VMP1: variants seen among roughly 807,000 people sequenced by gnomAD.
The protein encoded by VMP1 is ectopic P-granules autophagy protein 3 homolog.
A neutral mutation model predicts 56.0 loss-of-function variants in VMP1; 11 were observed. The observed-to-expected ratio is 0.20, with a 90% CI of 0.12 to 0.32. The LOEUF (loss-of-function observed/expected upper bound fraction) is 0.32, where lower values mean the gene tolerates loss of function less well. Ranked by LOEUF, VMP1 falls within the 10% of genes least tolerant of loss-of-function variation. The pLI is 1.00. For synonymous variants in VMP1, 149 were observed against 165.0 expected, an observed-to-expected ratio of 0.90 and a Z score of 0.74; for missense variants, 296 against 490.3, an observed-to-expected ratio of 0.60 and a Z score of 3.74.
At chr17:59,810,926 T>C (rs2038033477) in intron 8 of VMP1, among the ~76,000 whole-genome samples, 1 of 152,226 alleles carries the variant, frequency 6.6e-6, no homozygotes, top group South Asian at 2.1e-4. Context: ...ACATGAAATG[T>C]CTTTTAGCAT....
intron 10 of VMP1, among the ~76,000 whole-genome samples, chr17:59,828,616 G>A (rs1287507074): frequency 2.6e-5 from 4 of 152,172 alleles, no homozygotes; most frequent in African/African-American, 9.7e-5. Flanking sequence ...AGGTGCCAGG[G>A]ACTGTCAGTC....
chr17:59,783,904 T>C (rs940487181), intron 7 of VMP1, among the ~76,000 whole-genome samples: 2 of 152,330 alleles, frequency 1.3e-5, no homozygotes, highest in South Asian at 4.1e-4. Context: ...TCTCTACTTA[T>C]GAAACATTGC....
chr17:59,742,481 C>T (rs538397440), intron 5 of VMP1, among the ~76,000 whole-genome samples: 3 of 151,384 alleles, frequency 2.0e-5, no homozygotes, highest in Admixed American at 6.6e-5. Flanking sequence ...TGCACCACTG[C>T]ACTTTAACCT....
In VMP1 at chr17:59,753,260, A is replaced by G. The variant is rs368338383; in HGVS notation, c.415-11711A>G. 7.5e-3 allele frequency among the ~76,000 whole-genome samples: 1,135 copies of G among 152,164 alleles called. 3 individuals are homozygous for G. The highest frequency in any genetic ancestry group is 0.011 in the Non-Finnish European group (777 of 68,002). On this transcript the variant is annotated intron_variant, in intron 5 of 11. Transcript: ENST00000262291. The stretch of plus-strand genomic sequence containing the variant: ...GCACTCTAGCCTGGGCGACAGAATG[A>G]GACCCTGTCTCAAGAAAAAAAAAAA...
At chr17:59,708,059 G>A (rs2033750969) in intron 1 of VMP1, 1 of 152,310 alleles carries the variant, frequency 6.6e-6, no homozygotes. Context: ...CTTAGTCCCG[G>A]GATGTCCAGG....
chr17:59,784,871 T>C (rs1317917586), intron 7 of VMP1: 1 of 152,178 alleles, frequency 6.6e-6, no homozygotes, highest in Non-Finnish European at 1.5e-5. Context: ...TTTTTTACTT[T>C]TTAAAATTTT....
At chr17:59,740,077 AAAAAAAAAAAAAG>A (rs1273876787) in intron 5 of VMP1, among the ~76,000 whole-genome samples, 2 of 134,344 alleles carry the variant, frequency 1.5e-5, no homozygotes, top group African/African-American at 6.7e-5. Flanking sequence ...ACTCCGTCTC[AAAAAAAAAAAAAG>A]AAAAAGAAAA....
At chr17:59,832,466 A>T (rs1353847393) in intron 10 of VMP1, among the ~76,000 whole-genome samples, 5 of 151,988 alleles carry the variant, frequency 3.3e-5, no homozygotes, top group African/African-American at 1.2e-4. Context: ...ACCTACTTAC[A>T]TAGCTAGTTT....
rs2036541397 is a variant in VMP1, at chr17:59,774,344, G to A, written c.714+459G>A. On this transcript the variant is annotated intron_variant, in intron 7 of 11. Coordinates refer to ENST00000262291, the MANE Select transcript of VMP1 (RefSeq NM_030938.5). The stretch of plus-strand genomic sequence containing the variant: ...AGGCAGGAGGATTGCATAAGCGCAG[G>A]AGTTTGAGGCTGCAAGTGAGCTATG... Among the ~76,000 whole-genome samples the A allele has an allele frequency of 2.6e-5, 4 of 152,160 alleles. No homozygotes were observed. In the South Asian group the frequency reaches 8.3e-4, roughly 32 times the overall value.
At chr17:59,811,864 A>T (rs2094965829) in intron 9 of VMP1, 78 bp downstream of exon 9, 1 of 1,028,590 alleles carries the variant, frequency 9.7e-7, no homozygotes, top group African/African-American at 1.6e-5. Context: ...TTCCTAAGTG[A>T]ATTATTTAGT....
chr17:59,783,329 G>A (rs1210354316), intron 7 of VMP1, among the ~76,000 whole-genome samples: 1 of 152,210 alleles, frequency 6.6e-6, no homozygotes, highest in Admixed American at 6.5e-5. Context: ...TTTGTATTCT[G>A]ATTTATTATG....
chr17:59,725,990 G>A (rs2034588047), intron 1 of VMP1, among the ~76,000 whole-genome samples: 1 of 152,184 alleles, frequency 6.6e-6, no homozygotes, highest in Non-Finnish European at 1.5e-5. Context: ...ATGGGAAAGA[G>A]TAAATAGGGG....
intron 1 of VMP1, among the ~76,000 whole-genome samples, chr17:59,716,713 A>T (rs1278811057): frequency 6.6e-6 from 1 of 152,220 alleles, no homozygotes; most frequent in Non-Finnish European, 1.5e-5. Context: ...ACCTATTTTT[A>T]AACTATAAAT....
At chr17:59,809,763 C>T (rs957757620) in intron 8 of VMP1, among the ~76,000 whole-genome samples, 2 of 151,950 alleles carry the variant, frequency 1.3e-5, no homozygotes, top group Non-Finnish European at 2.9e-5. Context: ...GCCTCGGCCT[C>T]CCAAAGTACT....
chr17:59,788,237 C>A (rs1418665010), intron 7 of VMP1, among the ~76,000 whole-genome samples: 1 of 152,024 alleles, frequency 6.6e-6, no homozygotes, highest in African/African-American at 2.4e-5. Flanking sequence ...GCCTGTAATC[C>A]CAGCACTTTG....
chr17:59,833,140 G>A (rs571436290), intron 10 of VMP1, among the ~76,000 whole-genome samples: 1 of 152,104 alleles, frequency 6.6e-6, no homozygotes, highest in Admixed American at 6.6e-5. Context: ...TTAATCTTAA[G>A]TGTCAGAATG....
chr17:59,827,374 T>C (rs1431281379), intron 10 of VMP1, among the ~76,000 whole-genome samples: 2 of 151,932 alleles, frequency 1.3e-5, no homozygotes, highest in African/African-American at 4.8e-5. Context: ...TGGAGTGCAG[T>C]GGCGTGATCT....
chr17:59,816,531 G>T (rs907459759), intron 9 of VMP1, among the ~76,000 whole-genome samples: 2 of 152,256 alleles, frequency 1.3e-5, no homozygotes, highest in Admixed American at 6.5e-5. Flanking sequence ...TGTTGGCTGG[G>T]CACAGTGGCT....
chr17:59,797,589 A>G (rs1568166918), intron 7 of VMP1, among the ~76,000 whole-genome samples: 2 of 152,122 alleles, frequency 1.3e-5, no homozygotes, highest in African/African-American at 4.8e-5. Context: ...ATTTATATAA[A>G]GTTCAGGCCA....
Sources: allele counts gnomAD v4.1 joint callset (sites outside exome capture counted in the v4.1 genomes callset), GRCh38; gene constraint gnomAD v4.1.1; transcripts MANE v1.5; gene names NCBI Gene and HGNC (gene_info 2026-07-23, HGNC 2026-07-21).